HERC4: variants seen among roughly 807,000 people sequenced by gnomAD.
HERC4 encodes the protein probable E3 ubiquitin-protein ligase HERC4.
HERC4 carries 28 observed loss-of-function variants against 124.3 expected under a neutral mutation model. That is an observed-to-expected ratio of 0.23 (90% CI 0.17 to 0.31). HERC4 has a LOEUF of 0.31. Among genes scored for constraint, HERC4 ranks in the 10% least tolerant of loss-of-function variants. HERC4 has a pLI of 1.00. For synonymous variants in HERC4, 407 were observed against 421.5 expected, an observed-to-expected ratio of 0.97 and a Z score of 0.42; for missense variants, 713 against 1,229.3, an observed-to-expected ratio of 0.58 and a Z score of 6.28.
At chr10:67,923,242 T>G (rs1191266072) in intron 24 of HERC4, 103 bp from the exon 25 acceptor site, 1 of 776,092 alleles carries the variant, frequency 1.3e-6, no homozygotes, top group Non-Finnish European at 2.1e-6. Context: ...CTTTAACATC[T>G]GCTCTAACGT....
intron 15 of HERC4, among the ~76,000 whole-genome samples, chr10:67,972,533 A>G (rs1474700848): frequency 8.2e-4 from 31 of 37,588 alleles, no homozygotes; most frequent in Non-Finnish European, 1.4e-3. Flanking sequence ...AAAGAGGAAA[A>G]AAAAAAAAAA....
chr10:68,062,411 T>A (rs2041071559), intron 3 of HERC4, among the ~76,000 whole-genome samples: 1 of 152,176 alleles, frequency 6.6e-6, no homozygotes, highest in African/African-American at 2.4e-5. Context: ...CTGTCCATTC[T>A]TTCTGCCTCT....
intron 19 of HERC4, among the ~76,000 whole-genome samples, chr10:67,948,258 AAT>A (rs1216973862): frequency 6.6e-6 from 1 of 152,170 alleles, no homozygotes; most frequent in South Asian, 2.1e-4. Context: ...AGCAGTGATA[AAT>A]GTATTAGAGA....
chr10:68,058,520 G>T (rs1368946564), intron 3 of HERC4, among the ~76,000 whole-genome samples: 1 of 152,056 alleles, frequency 6.6e-6, no homozygotes. Flanking sequence ...TCTAATATTG[G>T]TTTTTCTTCT....
chr10:68,074,986 G>C (rs1413445125), intron 1 of HERC4, 158 bp downstream of exon 1: 3 of 152,530 alleles, frequency 2.0e-5, no homozygotes, highest in Admixed American at 2.0e-4. Context: ...GTGACGGGGG[G>C]CGGCCCCTGC....
At chr10:68,035,825 C>G (rs1405780836) in intron 5 of HERC4, among the ~76,000 whole-genome samples, 1 of 152,174 alleles carries the variant, frequency 6.6e-6, no homozygotes, top group Non-Finnish European at 1.5e-5. Flanking sequence ...CCAGCAGGAG[C>G]CTTCCTTCCC....
rs2041752687 is a variant in HERC4, at chr10:68,075,189, G to A, written c.-154C>T. 1 of 152,992 alleles carries A rather than the reference G, an allele frequency of 6.5e-6. No individual in the cohort carries two copies. Among genetic ancestry groups the A allele is most frequent in the Non-Finnish European group, 1.5e-5 (1 of 68,360 alleles). The allele number at this position is 152,992 out of a possible 1,614,324, so 9.5% of individuals were successfully genotyped here. A position where few individuals can be genotyped will look rare whatever the true frequency, so the allele number is the denominator to read the frequency against. On this transcript the variant is annotated 5_prime_UTR_variant, in exon 1 of 25. Transcript: ENST00000373700. Reference sequence around the variant, plus strand: ...GGACGCCACTGCTGTCCAGTCCAGAGACAGCCGTCAGCGACCCGGATGGAG... The same window carrying A: ...GGACGCCACTGCTGTCCAGTCCAGAAACAGCCGTCAGCGACCCGGATGGAG...
chr10:68,036,468 C>G (rs1345699926), intron 5 of HERC4, among the ~76,000 whole-genome samples: 2 of 152,116 alleles, frequency 1.3e-5, no homozygotes, highest in African/African-American at 4.8e-5. Context: ...ACCAAAATAT[C>G]AAAAGAGGAG....
At chr10:68,072,368 G>A (rs1462015699) in intron 3 of HERC4, among the ~76,000 whole-genome samples, 2 of 152,070 alleles carry the variant, frequency 1.3e-5, no homozygotes, top group Non-Finnish European at 1.5e-5. Flanking sequence ...AGTAGAAGAT[G>A]AGAGGAATAA....
chr10:67,924,062 A>C (rs951545132), intron 24 of HERC4, among the ~76,000 whole-genome samples: 1 of 152,172 alleles, frequency 6.6e-6, no homozygotes, highest in Non-Finnish European at 1.5e-5. Context: ...AAAAAGAAAA[A>C]GAAAATGAAG....
intron 8 of HERC4, among the ~76,000 whole-genome samples, chr10:68,019,395 G>C (rs1249883388): frequency 6.6e-6 from 1 of 152,016 alleles, no homozygotes; most frequent in Non-Finnish European, 1.5e-5. Flanking sequence ...AGTGGCACAG[G>C]GGCAGGCATA....
rs762803507 is a variant in HERC4 at position 67,992,223 on chromosome 10, C to T, written c.1247G>A (p.Gly416Glu). Residue 416 changes from glycine (G) to glutamate (E), a missense_variant, in exon 11 of 25, where the codon GGA becomes GAA. By Grantham distance (98) the Gly-to-Glu change is moderately conservative. Coordinates refer to ENST00000373700, the MANE Select transcript of HERC4 (RefSeq NM_015601.4). ...LIQKWLSYPS[G>E]RFPVEIANEI... ...CTTGGCTATCTCCACAGGAAACCTT[C>T]CAGAAGGATAGCTCAGCCATTTCTG... 6.2e-7 allele frequency: 1 copy of T among 1,613,986 alleles called. No individual in the cohort carries two copies. Among genetic ancestry groups the T allele is most frequent in the Non-Finnish European group, 8.5e-7 (1 of 1,179,902 alleles).
At position 68,025,677 on chromosome 10, in the gene HERC4, C is replaced by T; in HGVS notation, c.778-1G>A. 1 of 1,601,666 alleles carries T rather than the reference C, an allele frequency of 6.2e-7. No homozygotes were observed. Among genetic ancestry groups the T allele is most frequent in the Non-Finnish European group, 8.5e-7 (1 of 1,176,792 alleles). On this transcript the variant is annotated splice_acceptor_variant, in intron 7 of 24. Transcript: ENST00000373700. LOFTEE classifies it high-confidence loss of function. ...CTCCAAAAGTAAACACTCCACCTTC[C>T]TAAAAAAAGACAAAACCCCTTATCA...
chr10:68,031,184 T>G (rs184956473), intron 7 of HERC4, among the ~76,000 whole-genome samples: 36 of 152,306 alleles, frequency 2.4e-4, no homozygotes, highest in African/African-American at 8.7e-4. Context: ...TTAAGAGAAT[T>G]AGCATTTCTT....
intron 6 of HERC4, 63 bp downstream of exon 6, chr10:68,033,902 A>G: frequency 7.6e-7 from 1 of 1,320,744 alleles, no homozygotes; most frequent in Middle Eastern, 1.8e-4. Context: ...AGAATCACTG[A>G]TCTAACTCAA....
Position 68,034,176 on chromosome 10 carries a change from G to T in HERC4, c.474C>A (p.Val158=). The change falls in exon 6 of 25, where the codon GTC becomes GTA. Residue 158 remains valine (V), a synonymous_variant. Transcript: ENST00000373700. ...CATATTTATTCTGTCCCCAACAGAA[G>T]ACTTCACTTGCTGTAAAACAGTAAT... ...HSLALSKASE[V]FCWGQNKYGQ... 6.2e-7 allele frequency: 1 copy of T among 1,610,672 alleles called. No individual in the cohort carries two copies. Among genetic ancestry groups the T allele is most frequent in the Admixed American group, 1.7e-5 (1 of 59,820 alleles).
intron 8 of HERC4, among the ~76,000 whole-genome samples, chr10:68,015,653 T>G (rs2038219023): frequency 6.6e-6 from 1 of 152,164 alleles, no homozygotes; most frequent in African/African-American, 2.4e-5. Context: ...ATTACTACCC[T>G]CCCTCAGGAA....
chr10:67,943,383 A>G (rs2033078101), intron 19 of HERC4, among the ~76,000 whole-genome samples: 1 of 152,238 alleles, frequency 6.6e-6, no homozygotes, highest in Admixed American at 6.5e-5. Flanking sequence ...TAACATTTCA[A>G]AATATGAAAA....
chr10:67,928,650 C>T (rs1306563101), intron 23 of HERC4, among the ~76,000 whole-genome samples: 1 of 152,062 alleles, frequency 6.6e-6, no homozygotes, highest in African/African-American at 2.4e-5. Flanking sequence ...GGGCCAGGAG[C>T]GGTGGCTCAC....
Sources: gnomAD v4.1 joint callset for allele counts (sites outside exome capture counted in the v4.1 genomes callset) on GRCh38, gnomAD v4.1.1 for gene constraint, MANE v1.5 for transcripts, NCBI Gene and HGNC (gene_info 2026-07-23, HGNC 2026-07-21) for gene names.